The following ABCD3 variants were observed in gnomAD, a reference collection of about 807,000 sequenced individuals.
The protein encoded by ABCD3 is ATP-binding cassette sub-family D member 3.
A neutral mutation model predicts 105.5 loss-of-function variants in ABCD3; 41 were observed. The observed-to-expected ratio is 0.39, with a 90% CI of 0.30 to 0.50. The LOEUF is 0.50. Among genes scored for constraint, ABCD3 ranks in the 20% least tolerant of loss-of-function variants. The pLI is 0.84. For synonymous variants in ABCD3, 258 were observed against 269.0 expected, an observed-to-expected ratio of 0.96 and a Z score of 0.40; for missense variants, 622 against 806.3, an observed-to-expected ratio of 0.77 and a Z score of 2.77.
chr1:94,496,076 A>G (rs554462889), intron 16 of ABCD3, among the ~76,000 whole-genome samples: 26 of 152,176 alleles, frequency 1.7e-4, no homozygotes, highest in Non-Finnish European at 2.8e-4. Context: ...TTTTTCTTTA[A>G]GAAGTTTTTA....
chr1:94,501,710 C>CT (rs1234056259), intron 20 of ABCD3, among the ~76,000 whole-genome samples: 1 of 152,090 alleles, frequency 6.6e-6, no homozygotes, highest in African/African-American at 2.4e-5. Context: ...CTCCATTTTT[C>CT]TTGCTCTTCC....
chr1:94,494,268 A>G (rs1368667675), intron 16 of ABCD3, among the ~76,000 whole-genome samples: 1 of 152,054 alleles, frequency 6.6e-6, no homozygotes, highest in Non-Finnish European at 1.5e-5. Flanking sequence ...GTCCCCACTT[A>G]TGTCCTTACT....
intron 7 of ABCD3, among the ~76,000 whole-genome samples, 192 bp from the exon 8 acceptor site, chr1:94,478,067 G>A (rs1369457532): frequency 6.6e-6 from 1 of 152,130 alleles, no homozygotes. Flanking sequence ...TAAGTTTCTT[G>A]AGAGGAAAAC....
chr1:94,448,472 G>A (rs1039983466), intron 1 of ABCD3, among the ~76,000 whole-genome samples: 3 of 152,160 alleles, frequency 2.0e-5, no homozygotes, highest in East Asian at 3.8e-4. Flanking sequence ...GTCTAGTAAC[G>A]GTAAAGCTTC....
chr1:94,397,052 G>A, the ABCD3 span, among the ~76,000 whole-genome samples: 1 of 152,250 alleles, frequency 6.6e-6, no homozygotes, highest in African/African-American at 2.4e-5. Flanking sequence ...TAAAGCTCTT[G>A]ATTAGACACT....
At chr1:94,460,069 A>C (rs2100964615) in intron 2 of ABCD3, among the ~76,000 whole-genome samples, 1 of 152,266 alleles carries the variant, frequency 6.6e-6, no homozygotes, top group South Asian at 2.1e-4. Context: ...TGCTGCTATG[A>C]AAATTTGTGC....
intron 2 of ABCD3, among the ~76,000 whole-genome samples, chr1:94,460,312 T>C (rs1647804436): frequency 6.6e-6 from 1 of 152,154 alleles, no homozygotes; most frequent in African/African-American, 2.4e-5. Flanking sequence ...TAATTTGCCT[T>C]TCCTTTCTTT....
the ABCD3 span, among the ~76,000 whole-genome samples, chr1:94,400,768 A>G: frequency 1.3e-5 from 2 of 152,212 alleles, no homozygotes; most frequent in Non-Finnish European, 2.9e-5. Context: ...AACTTACATT[A>G]TTACCACTGT....
intron 21 of ABCD3, among the ~76,000 whole-genome samples, chr1:94,511,784 C>T (rs575913302): frequency 1.2e-4 from 19 of 152,176 alleles, no homozygotes; most frequent in African/African-American, 3.9e-4. Context: ...TTGATCACAT[C>T]GGCTCCTGAG....
In ABCD3 at chr1:94,499,079, T is replaced by C. The variant is rs759685497; in HGVS notation, c.1620+45T>C. The C allele has an allele frequency of 1.2e-5, 17 of 1,473,766 alleles. No homozygotes were observed. In the Admixed American group the frequency reaches 1.7e-4, roughly 15 times the overall value. The allele number at this position is 1,473,766 out of a possible 1,614,324, so 91.3% of individuals were successfully genotyped here. On this transcript the variant is annotated intron_variant, in intron 19 of 22. Transcript: ENST00000370214. ...CTAGATCCACTGAAAATACTCCAGA[T>C]TATTTATTTTAATCAATTAAGTATT...
At chr1:94,446,709 T>A (rs1158644393) in intron 1 of ABCD3, among the ~76,000 whole-genome samples, 1 of 152,196 alleles carries the variant, frequency 6.6e-6, no homozygotes, top group East Asian at 1.9e-4. Context: ...GGAGCGGACA[T>A]TTCAATCATT....
intron 16 of ABCD3, among the ~76,000 whole-genome samples, chr1:94,494,984 G>T (rs143510311): frequency 1.3e-5 from 2 of 152,266 alleles, no homozygotes; most frequent in Non-Finnish European, 2.9e-5. Flanking sequence ...AGGCGGCTGA[G>T]GTGGGAGGAT....
intron 4 of ABCD3, chr1:94,472,340 T>C (rs895028774): frequency 4.4e-5 from 15 of 340,368 alleles, no homozygotes; most frequent in African/African-American, 3.4e-4. Flanking sequence ...TCAAACAATT[T>C]TAACATAAAT....
chr1:94,394,430 A>G, the ABCD3 span, among the ~76,000 whole-genome samples: 3 of 152,330 alleles, frequency 2.0e-5, no homozygotes, highest in Non-Finnish European at 4.4e-5. Flanking sequence ...AGCATTTTCC[A>G]TGTCAGTATC....
chr1:94,446,614 T>G (rs891758192), intron 1 of ABCD3, among the ~76,000 whole-genome samples: 2 of 152,152 alleles, frequency 1.3e-5, no homozygotes, highest in East Asian at 3.9e-4. Context: ...GCAAAGCAGC[T>G]TATTGGGTGA....
intron 1 of ABCD3, among the ~76,000 whole-genome samples, chr1:94,457,639 TG>T (rs1647643760): frequency 6.6e-6 from 1 of 152,108 alleles, no homozygotes; most frequent in Non-Finnish European, 1.5e-5. Flanking sequence ...ACAGACTTCC[TG>T]GGGCAGCATG....
the ABCD3 span, among the ~76,000 whole-genome samples, chr1:94,395,391 A>G: frequency 1.6e-4 from 25 of 152,332 alleles, no homozygotes; most frequent in African/African-American, 4.1e-4. Context: ...ACCATTTCTA[A>G]ACTGGAAAGG....
chr1:94,402,916 T>G, the ABCD3 span, among the ~76,000 whole-genome samples: 1 of 151,046 alleles, frequency 6.6e-6, no homozygotes. Flanking sequence ...ACTCATCATC[T>G]AGCATTAGGT....
chr1:94,398,304 A>T, the ABCD3 span, among the ~76,000 whole-genome samples: 9 of 152,272 alleles, frequency 5.9e-5, no homozygotes, highest in African/African-American at 2.2e-4. Flanking sequence ...ATTTTCTGAC[A>T]GTGGGAAACA....
Sources: allele counts gnomAD v4.1 joint callset (sites outside exome capture counted in the v4.1 genomes callset), GRCh38; gene constraint gnomAD v4.1.1; transcripts MANE v1.5; gene names NCBI Gene and HGNC (gene_info 2026-07-23, HGNC 2026-07-21).